Variants in TCF7L1 observed in about 807,000 individuals in gnomAD.
The protein encoded by TCF7L1 is transcription factor 7-like 1.
In TCF7L1, 18 loss-of-function variants were observed where a neutral mutation model predicts 63.7. That is an observed-to-expected ratio of 0.28 (90% CI 0.20 to 0.42). The LOEUF (loss-of-function observed/expected upper bound fraction) is 0.42, where lower values mean the gene tolerates loss of function less well. Among genes scored for constraint, TCF7L1 ranks in the 10% least tolerant of loss-of-function variants. The pLI, the probability that TCF7L1 is intolerant of heterozygous loss-of-function variation, is 1.00. For missense variants in TCF7L1, 654 were observed against 779.3 expected, an observed-to-expected ratio of 0.84 and a Z score of 1.91; for synonymous variants, 355 against 340.9, an observed-to-expected ratio of 1.04 and a Z score of -0.46.
rs567382151 is a variant in TCF7L1 at position 85,256,214 on chromosome 2, G to A, written c.442-27281G>A. 2.4e-4 allele frequency among the ~76,000 whole-genome samples: 36 copies of A among 148,004 alleles called. No homozygotes were observed. The East Asian group carries it at 5.8e-3, about 24-fold the overall frequency. ...TTTGGGGCCGGTTGGCGTCCCCCCCGCCCCAACCCAGTACATCGATGGTGC... is the reference window on the plus strand; with the variant it reads ...TTTGGGGCCGGTTGGCGTCCCCCCCACCCCAACCCAGTACATCGATGGTGC... On this transcript the variant is annotated intron_variant, in intron 3 of 11. Transcript: ENST00000282111.
Position 85,303,739 on chromosome 2 carries a change from G to A in TCF7L1, c.659-156G>A, listed in dbSNP as rs574051052. 606 of 560,724 alleles carry A rather than the reference G, an allele frequency of 1.1e-3. 5 individuals carry two copies. The highest frequency in any genetic ancestry group is 3.4e-3 in the South Asian group (127 of 37,564). The allele number at this position is 560,724 out of a possible 1,614,324, so 34.7% of individuals were successfully genotyped here. On this transcript the variant is annotated intron_variant, in intron 5 of 11. Transcript: ENST00000282111. ...ATATGTCCTTGACTGACTGGTGAGA[G>A]CTGCTAGGGAGTTGACAGAGGGCAA...
rs533148375 is a variant in TCF7L1, at chr2:85,222,857, A to T, written c.442-60638A>T. 3.9e-5 allele frequency among the ~76,000 whole-genome samples: 6 copies of T among 152,216 alleles called. No individual in the cohort carries two copies. The South Asian group carries it at 1.2e-3, about 32-fold the overall frequency. On this transcript the variant is annotated intron_variant, in intron 3 of 11. Coordinates refer to ENST00000282111, the MANE Select transcript of TCF7L1 (RefSeq NM_031283.3). ...AAAACATTTTTTAGGATTTTAAAAA[A>T]TTTTCTGCTTTCTAGAGATAACACA...
intron 3 of TCF7L1, among the ~76,000 whole-genome samples, chr2:85,219,848 G>T (rs1363895294): frequency 3.3e-5 from 5 of 152,230 alleles, no homozygotes; most frequent in Admixed American, 6.5e-5. Flanking sequence ...GTGTTTAGGA[G>T]ATCTGGGCTG....
At chr2:85,308,460 T>TTCCCTCCCTC (rs1682188789) in intron 11 of TCF7L1, among the ~76,000 whole-genome samples, 1 of 30,378 alleles carries the variant, frequency 3.3e-5, no homozygotes, top group Non-Finnish European at 5.5e-5. Flanking sequence ...TCCCTCCCTC[T>TTCCCTCCCTC]CTTTCCCTCC....
chr2:85,290,153 AT>A (rs1045278212), intron 4 of TCF7L1, among the ~76,000 whole-genome samples: 2 of 148,042 alleles, frequency 1.4e-5, no homozygotes, highest in African/African-American at 5.0e-5. Flanking sequence ...TAATTTTTGT[AT>A]TTTTTTAGTA....
intron 3 of TCF7L1, among the ~76,000 whole-genome samples, chr2:85,146,999 T>C (rs1463848736): frequency 3.3e-5 from 5 of 152,242 alleles, no homozygotes; most frequent in Non-Finnish European, 7.3e-5. Context: ...GTTTTTCTTA[T>C]GATATTTTGA....
intron 3 of TCF7L1, among the ~76,000 whole-genome samples, chr2:85,223,756 A>G (rs1288232798): frequency 2.0e-5 from 3 of 152,214 alleles, no homozygotes; most frequent in Non-Finnish European, 1.5e-5. Context: ...CAACCCTCCC[A>G]TGAGGTATGT....
intron 3 of TCF7L1, among the ~76,000 whole-genome samples, chr2:85,201,375 G>A (rs1021733847): frequency 6.6e-6 from 1 of 152,154 alleles, no homozygotes; most frequent in Admixed American, 6.5e-5. Flanking sequence ...AATGTTTTAT[G>A]ATAGATTTAT....
chr2:85,266,406 G>C (rs1326429645), intron 3 of TCF7L1, among the ~76,000 whole-genome samples: 2 of 152,312 alleles, frequency 1.3e-5, no homozygotes, highest in Non-Finnish European at 2.9e-5. Flanking sequence ...GCCAACATGA[G>C]AGACTAAAAG....
intron 3 of TCF7L1, among the ~76,000 whole-genome samples, chr2:85,148,848 A>G (rs1280310301): frequency 7.0e-6 from 1 of 142,226 alleles, no homozygotes; most frequent in Non-Finnish European, 1.5e-5. Flanking sequence ...ATCTTGGCTC[A>G]CTGCAACCTC....
At chr2:85,185,732 A>T (rs1348470554) in intron 3 of TCF7L1, among the ~76,000 whole-genome samples, 3 of 152,092 alleles carry the variant, frequency 2.0e-5, no homozygotes, top group Admixed American at 6.5e-5. Flanking sequence ...GGGTTAGGAC[A>T]TCTTAGGAAG....
intron 3 of TCF7L1, among the ~76,000 whole-genome samples, chr2:85,159,087 C>CG (rs1021553617): frequency 6.6e-6 from 1 of 152,154 alleles, no homozygotes; most frequent in Non-Finnish European, 1.5e-5. Flanking sequence ...GTGGACAGTG[C>CG]GGTTCAGCCT....
chr2:85,209,471 A>T (rs1202330433), intron 3 of TCF7L1, among the ~76,000 whole-genome samples: 1 of 152,204 alleles, frequency 6.6e-6, no homozygotes, highest in African/African-American at 2.4e-5. Flanking sequence ...CCCGTTGCTT[A>T]TGCTCTGAAA....
chr2:85,308,458 T>TCC (rs1178041720), intron 11 of TCF7L1, among the ~76,000 whole-genome samples: 2 of 46,366 alleles, frequency 4.3e-5, no homozygotes, highest in African/African-American at 2.6e-4. Flanking sequence ...TTTCCCTCCC[T>TCC]CTCTTTCCCT....
intron 3 of TCF7L1, among the ~76,000 whole-genome samples, chr2:85,219,216 G>A (rs1200515521): frequency 6.6e-6 from 1 of 152,126 alleles, no homozygotes; most frequent in Non-Finnish European, 1.5e-5. Flanking sequence ...AAAGAAGCAG[G>A]ATCAGAGAAA....
chr2:85,295,912 G>C (rs1681831400), intron 4 of TCF7L1, among the ~76,000 whole-genome samples: 1 of 150,630 alleles, frequency 6.6e-6, no homozygotes, highest in Non-Finnish European at 1.5e-5. Flanking sequence ...TGAGTAGCTG[G>C]GATTACAGGT....
rs1681079608 is a variant in TCF7L1 at position 85,268,953 on chromosome 2, A to G, written c.442-14542A>G. 2.0e-5 allele frequency among the ~76,000 whole-genome samples: 3 copies of G among 152,052 alleles called. No individual in the cohort carries two copies. The South Asian group carries it at 6.2e-4, about 32-fold the overall frequency. On this transcript the variant is annotated intron_variant, in intron 3 of 11. Coordinates refer to ENST00000282111, the MANE Select transcript of TCF7L1 (RefSeq NM_031283.3). Reference sequence around the variant, plus strand: ...TGCAAGACAGTGGTAGTTGAGATTGAAAAAACACAGGACTTGATGGGCTAG... The same window carrying G: ...TGCAAGACAGTGGTAGTTGAGATTGGAAAAACACAGGACTTGATGGGCTAG...
intron 3 of TCF7L1, among the ~76,000 whole-genome samples, chr2:85,228,967 G>C (rs1357052625): frequency 6.8e-6 from 1 of 147,062 alleles, no homozygotes; most frequent in Non-Finnish European, 1.5e-5. Context: ...CTTGCAGTGA[G>C]CCGAGATTGC....
intron 3 of TCF7L1, among the ~76,000 whole-genome samples, chr2:85,267,649 C>CA (rs200180895): frequency 0.45 from 44,459 of 98,288 alleles, 8,623 homozygotes; most frequent in Middle Eastern, 0.55. Context: ...GACTCTGTCT[C>CA]AAAAAAAAAA....
Sources: allele counts gnomAD v4.1 joint callset (sites outside exome capture counted in the v4.1 genomes callset), GRCh38; gene constraint gnomAD v4.1.1; transcripts MANE v1.5; gene names NCBI Gene and HGNC (gene_info 2026-07-23, HGNC 2026-07-21).